Variants in CEP95 observed in about 807,000 individuals in gnomAD.
CEP95 encodes centrosomal protein 95.
Under a neutral mutation model 111.2 loss-of-function variants are expected in CEP95, and 98 were observed. The observed-to-expected ratio is 0.88, with a 90% CI of 0.75 to 1.04. The LOEUF is 1.04. CEP95 is among the 50% of genes least tolerant of loss of function. The pLI, the probability that CEP95 is intolerant of heterozygous loss-of-function variation, is 0.00. For missense variants in CEP95, 1,027 were observed against 977.2 expected, an observed-to-expected ratio of 1.05 and a Z score of -0.68; for synonymous variants, 323 against 327.1, an observed-to-expected ratio of 0.99 and a Z score of 0.14.
intron 10 of CEP95, among the ~76,000 whole-genome samples, chr17:64,526,626 G>T (rs1333504868): frequency 3.9e-5 from 6 of 152,050 alleles, no homozygotes; most frequent in African/African-American, 1.4e-4. Context: ...AAAGTTTATT[G>T]AAACTTAGTG....
chr17:64,507,033 G>A lies in CEP95; in HGVS notation c.-65G>A. 1.3e-6 allele frequency: 2 copies of A among 1,545,478 alleles called. No homozygotes were observed. The highest frequency in any genetic ancestry group is 1.4e-5 in the African/African-American group (1 of 73,080). ...CCCAGTGTCGGGTCTGCGTGGATCG[G>A]TCCTTCCAGGACACCGTCGCCTTCC... is the stretch of plus-strand genomic sequence containing the variant. On this transcript the variant is annotated 5_prime_UTR_variant, in exon 1 of 20. Coordinates refer to ENST00000556440, the MANE Select transcript of CEP95 (RefSeq NM_138363.3).
chr17:64,526,305 T>C (rs782680301), intron 10 of CEP95, 105 bp downstream of exon 10: 8 of 1,122,116 alleles, frequency 7.1e-6, no homozygotes, highest in South Asian at 5.6e-5. Context: ...TTGTGTCTTA[T>C]TAATAGTTAC....
chr17:64,512,076 A>G (rs1372791340), intron 3 of CEP95, among the ~76,000 whole-genome samples: 1 of 152,264 alleles, frequency 6.6e-6, no homozygotes, highest in Non-Finnish European at 1.5e-5. Flanking sequence ...TGGCTGTAAA[A>G]GATGACTGAA....
chr17:64,536,665 A>G lies in CEP95; in HGVS notation c.2134A>G (p.Asn712Asp). ...AAAGCAAAGATTACGAGACCTAAGAAACTATGCCAAAGAAAAGCGAGATGA... is the reference window on the plus strand; with the variant it reads ...AAAGCAAAGATTACGAGACCTAAGAGACTATGCCAAAGAAAAGCGAGATGA... ...IQKQRLRDLR[N>D]YAKEKRDEQR... is the part of the protein sequence containing the mutation. The change falls in exon 18 of 20, where the codon AAC becomes GAC. Residue 712 changes from asparagine (N) to aspartate (D), a missense_variant. Physicochemically the swap from Asn to Asp is conservative, Grantham distance 23 (BLOSUM62 1). Coordinates refer to ENST00000556440, the MANE Select transcript of CEP95 (RefSeq NM_138363.3). 1 of 1,613,102 alleles carries G rather than the reference A, an allele frequency of 6.2e-7. No homozygotes were observed. The highest frequency in any genetic ancestry group is 2.2e-5 in the East Asian group (1 of 44,882).
In CEP95 at chr17:64,537,741, C is replaced by T; in HGVS notation, c.2428C>T (p.Leu810=). The T allele has an allele frequency of 6.2e-7, 1 of 1,609,692 alleles. No individual in the cohort carries two copies. The highest frequency in any genetic ancestry group is 1.1e-5 in the South Asian group (1 of 90,098). ...EAERFRSRLQ[L]ASFQYSKSPS... is the part of the protein sequence containing the mutation. ...TGAGCGCTTCAGATCTCGGCTTCAG[C>T]TGGCTTCCTTTCAGTACAGTAAAAG... Residue 810 remains leucine (L), a synonymous_variant, in exon 20 of 20, where the codon CTG becomes TTG. Coordinates refer to ENST00000556440, the MANE Select transcript of CEP95 (RefSeq NM_138363.3).
At chr17:64,521,597 C>T in intron 7 of CEP95, 70 bp downstream of exon 7, 2 of 1,444,982 alleles carry the variant, frequency 1.4e-6, no homozygotes, top group Non-Finnish European at 9.4e-7. Context: ...TTGCCATTAG[C>T]CTTTTTACTT....
intron 12 of CEP95, among the ~76,000 whole-genome samples, chr17:64,530,364 G>A (rs889440138): frequency 5.3e-5 from 8 of 152,128 alleles, no homozygotes; most frequent in South Asian, 4.1e-4. Context: ...CAGCCTGGGC[G>A]AGAGTGCGAC....
At chr17:64,518,578 G>T (rs1187718454) in intron 5 of CEP95, among the ~76,000 whole-genome samples, 2 of 152,194 alleles carry the variant, frequency 1.3e-5, no homozygotes, top group Non-Finnish European at 1.5e-5. Context: ...TAGAGGTTGA[G>T]CATAATGCTA....
At chr17:64,524,943 C>T (rs1555678758) in intron 8 of CEP95, among the ~76,000 whole-genome samples, 1 of 151,848 alleles carries the variant, frequency 6.6e-6, no homozygotes, top group Admixed American at 6.6e-5. Flanking sequence ...TGCACTCCAG[C>T]CTGGGTGACA....
chr17:64,537,084 T>C lies in CEP95; in HGVS notation c.2261T>C (p.Leu754Pro). ...AEAISQEHQE[L>P]KAREKSQAQT... ...GCCATATCACAGGAACATCAAGAAC[T>C]TAAAGCCAGAGAGAAATCTCAGGCC... Residue 754 changes from leucine (L) to proline (P), a missense_variant, in exon 19 of 20, where the codon CTT becomes CCT. Transcript: ENST00000556440. 6.2e-7 allele frequency: 1 copy of C among 1,613,192 alleles called. No homozygotes were observed. The highest frequency in any genetic ancestry group is 8.5e-7 in the Non-Finnish European group (1 of 1,179,538).
At chr17:64,522,093 C>T (rs181000782) in intron 7 of CEP95, among the ~76,000 whole-genome samples, 148 of 152,156 alleles carry the variant, frequency 9.7e-4, no homozygotes, top group East Asian at 1.7e-3. Context: ...CCTCGTGATC[C>T]GCCTGCCTCA....
intron 14 of CEP95, 174 bp from the exon 15 acceptor site, chr17:64,532,665 C>A: frequency 7.1e-7 from 1 of 1,414,732 alleles, no homozygotes. Flanking sequence ...TTATCCTTAC[C>A]AGTAGTTGGC....
intron 11 of CEP95, 137 bp downstream of exon 11, chr17:64,527,401 C>T (rs1451041627): frequency 7.0e-6 from 4 of 574,398 alleles, no homozygotes; most frequent in Non-Finnish European, 1.1e-5. Context: ...TATCAAACAC[C>T]TGGATCTTCC....
chr17:64,510,496 C>A (rs1166767571), intron 3 of CEP95, among the ~76,000 whole-genome samples: 1 of 152,070 alleles, frequency 6.6e-6, no homozygotes, highest in Non-Finnish European at 1.5e-5. Context: ...GGGTCTGAAA[C>A]GTAAATATCC....
At chr17:64,512,893 T>C (rs573636386) in intron 3 of CEP95, among the ~76,000 whole-genome samples, 1 of 152,268 alleles carries the variant, frequency 6.6e-6, no homozygotes, top group South Asian at 2.1e-4. Flanking sequence ...TATAGCAGGG[T>C]TATAAACATA....
intron 6 of CEP95, 99 bp from the exon 7 acceptor site, chr17:64,521,299 TTTAA>T (rs1236132186): frequency 1.3e-6 from 1 of 762,444 alleles, no homozygotes; most frequent in Non-Finnish European, 2.1e-6. Context: ...TTCAACATTA[TTTAA>T]TATTTGTTTC....
At chr17:64,537,494 T>C in intron 19 of CEP95, 109 bp from the exon 20 acceptor site, 1 of 1,438,782 alleles carries the variant, frequency 7.0e-7, no homozygotes, top group Non-Finnish European at 9.1e-7. Context: ...GTTGCTAGAT[T>C]ATTGAAAATT....
chr17:64,530,342 T>C (rs540096037), intron 12 of CEP95, among the ~76,000 whole-genome samples: 92 of 152,274 alleles, frequency 6.0e-4, no homozygotes, highest in African/African-American at 2.0e-3. Flanking sequence ...GCTGAGTTTG[T>C]GCCACTGCCT....
At chr17:64,512,731 T>C (rs782103298) in intron 3 of CEP95, among the ~76,000 whole-genome samples, 1 of 152,184 alleles carries the variant, frequency 6.6e-6, no homozygotes, top group Non-Finnish European at 1.5e-5. Context: ...CTGTCTTAAG[T>C]TTTTTAATGC....
Sources: allele counts gnomAD v4.1 joint callset (sites outside exome capture counted in the v4.1 genomes callset), GRCh38; gene constraint gnomAD v4.1.1; transcripts MANE v1.5; gene names NCBI Gene and HGNC (gene_info 2026-07-23, HGNC 2026-07-21).